MTR: variants seen among roughly 807,000 people sequenced by gnomAD.
MTR encodes 5-methyltetrahydrofolate-homocysteine methyltransferase.
A neutral mutation model predicts 154.8 loss-of-function variants in MTR; 84 were observed. The ratio of observed to expected loss-of-function variants is 0.54; its 90% CI spans 0.45 to 0.65. The LOEUF (loss-of-function observed/expected upper bound fraction) is 0.65. Among genes scored for constraint, MTR ranks in the 30% least tolerant of loss-of-function variants. The pLI, the probability that MTR is intolerant of heterozygous loss-of-function variation, is 0.00. For missense variants in MTR, 1,275 were observed against 1,570.2 expected (o/e 0.81, Z 3.18); for synonymous variants, 554 against 553.9 (o/e 1.00, Z 0.00).
intron 8 of MTR, among the ~76,000 whole-genome samples, chr1:236,821,642 C>G (rs1661956607): frequency 6.6e-6 from 1 of 152,112 alleles, no homozygotes; most frequent in Non-Finnish European, 1.5e-5. Context: ...ATTGCCAAAC[C>G]CACGATCATC....
At chr1:236,889,463 C>G in intron 28 of MTR, 127 bp downstream of exon 28, 3 of 1,242,056 alleles carry the variant, frequency 2.4e-6, no homozygotes, top group South Asian at 2.5e-5. Flanking sequence ...TCATATTGCT[C>G]ACCTGCCCAA....
At chr1:236,818,676 G>C (rs939546977) in intron 8 of MTR, among the ~76,000 whole-genome samples, 28 of 152,288 alleles carry the variant, frequency 1.8e-4, no homozygotes, top group Non-Finnish European at 2.9e-4. Flanking sequence ...TATGTGAAAA[G>C]GATACATTTT....
chr1:236,811,386 A>T (rs1202284849), intron 5 of MTR, among the ~76,000 whole-genome samples: 6 of 152,206 alleles, frequency 3.9e-5, no homozygotes, highest in Non-Finnish European at 7.3e-5. Flanking sequence ...ACATACTTAT[A>T]TTGAGATCTG....
At chr1:236,874,617 T>G (rs1031917917) in intron 23 of MTR, 109 bp from the exon 24 acceptor site, 5 of 882,140 alleles carry the variant, frequency 5.7e-6, no homozygotes, top group South Asian at 1.7e-5. Flanking sequence ...TGTTAGGTCT[T>G]TTGGTCTTCA....
chr1:236,873,755 C>G lies in MTR; in HGVS notation c.2406-18C>G. ...TGGGCTTTCATTAATTTTCTCATGTCTCATTTCTGTGCCTCAGAGTTATTG... is the reference window on the plus strand; with the variant it reads ...TGGGCTTTCATTAATTTTCTCATGTGTCATTTCTGTGCCTCAGAGTTATTG... On this transcript the variant is annotated intron_variant, in intron 22 of 32. Transcript: ENST00000366577. The G allele has an allele frequency of 1.2e-6, 2 of 1,609,844 alleles. No homozygotes were observed. The highest frequency in any genetic ancestry group is 8.5e-7 in the Non-Finnish European group (1 of 1,176,100).
intron 19 of MTR, 104 bp from the exon 20 acceptor site, chr1:236,861,021 T>C (rs956586973): frequency 9.2e-6 from 9 of 980,296 alleles, no homozygotes; most frequent in Non-Finnish European, 1.3e-5. Context: ...GAACCTGTGC[T>C]GTTAGGCATT....
At chr1:236,863,349 G>A in intron 21 of MTR, 105 bp from the exon 22 acceptor site, 1 of 880,312 alleles carries the variant, frequency 1.1e-6, no homozygotes, top group Non-Finnish European at 1.9e-6. Flanking sequence ...GGTGCTCTTG[G>A]TTGTATTGAA....
intron 15 of MTR, among the ~76,000 whole-genome samples, chr1:236,841,691 G>C (rs1393277247): frequency 6.7e-6 from 1 of 149,626 alleles, no homozygotes; most frequent in Admixed American, 6.7e-5. Flanking sequence ...TTCTCTGATA[G>C]CTTCTTGTGA....
chr1:236,816,480 G>A lies in MTR; in HGVS notation c.701G>A (p.Arg234Gln). ...ISGTIVDKSG[R>Q]TLSGQTGEGF... ...GGGACGATCGTTGATAAAAGTGGGC[G>A]GACTCTTTCCGGACAGACAGGAGAG... is the stretch of plus-strand genomic sequence containing the variant. Residue 234 changes from arginine (R) to glutamine (Q), a missense_variant, in exon 8 of 33, where the codon CGG becomes CAG. Coordinates refer to ENST00000366577, the MANE Select transcript of MTR (RefSeq NM_000254.3). The A allele has an allele frequency of 2.5e-6, 4 of 1,614,042 alleles. No individual in the cohort carries two copies. Among genetic ancestry groups the A allele is most frequent in the Non-Finnish European group, 3.4e-6 (4 of 1,179,954 alleles).
chr1:236,876,646 G>T (rs1457066836), intron 24 of MTR, among the ~76,000 whole-genome samples: 1 of 152,026 alleles, frequency 6.6e-6, no homozygotes, highest in African/African-American at 2.4e-5. Flanking sequence ...TTTGCTTCTT[G>T]TGCAAATTGG....
intron 26 of MTR, 75 bp from the exon 27 acceptor site, chr1:236,886,217 C>T (rs987661782): frequency 8.2e-7 from 1 of 1,226,774 alleles, no homozygotes; most frequent in African/African-American, 1.5e-5. Context: ...ACATACTGGC[C>T]TTCTTGGACA....
chr1:236,863,689 C>T, intron 22 of MTR, 135 bp downstream of exon 22: 1 of 812,648 alleles, frequency 1.2e-6, no homozygotes, highest in Admixed American at 2.1e-5. Context: ...TTTCTTTTTG[C>T]TTGCTGTGTT....
At chr1:236,812,636 A>C in intron 5 of MTR, 102 bp from the exon 6 acceptor site, 1 of 893,964 alleles carries the variant, frequency 1.1e-6, no homozygotes. Context: ...TGCATTGTAA[A>C]CCAGCAATAG....
At chr1:236,871,489 A>G (rs1665128441) in intron 22 of MTR, among the ~76,000 whole-genome samples, 2 of 151,266 alleles carry the variant, frequency 1.3e-5, no homozygotes, top group Admixed American at 1.3e-4. Context: ...GATGCGTTTT[A>G]GTTGAATTTT....
At chr1:236,815,899 G>C (rs368174376) in intron 7 of MTR, among the ~76,000 whole-genome samples, 1 of 152,150 alleles carries the variant, frequency 6.6e-6, no homozygotes, top group East Asian at 1.9e-4. Context: ...TTCAAAAGAA[G>C]CCCACTGTAT....
Position 236,852,502 on chromosome 1 carries a change from A to G in MTR, c.1696-19A>G, listed in dbSNP as rs759320552. On this transcript the variant is annotated intron_variant, in intron 16 of 32. Transcript: ENST00000366577. ...TGGCAAAAAAGGGGAATCTTTTCAT[A>G]TTTTAAAATTTTTGCCAGGAAACAT... The G allele has an allele frequency of 1.3e-6, 2 of 1,583,958 alleles. No homozygotes were observed. Among genetic ancestry groups the G allele is most frequent in the East Asian group, 2.2e-5 (1 of 44,720 alleles).
At chr1:236,889,485 T>C (rs1238531909) in intron 28 of MTR, 149 bp downstream of exon 28, 3 of 997,006 alleles carry the variant, frequency 3.0e-6, no homozygotes, top group African/African-American at 1.6e-5. Flanking sequence ...TTTTTAATGG[T>C]TTTCAATCTG....
chr1:236,808,600 A>G, intron 3 of MTR, 104 bp from the exon 4 acceptor site: 3 of 1,117,336 alleles, frequency 2.7e-6, no homozygotes, highest in South Asian at 1.3e-5. Flanking sequence ...AATTCACTCT[A>G]CATTTTGTTA....
At chr1:236,816,259 CTCTT>C (rs1034500627) in intron 7 of MTR, among the ~76,000 whole-genome samples, 186 bp from the exon 8 acceptor site, 5 of 152,166 alleles carry the variant, frequency 3.3e-5, no homozygotes, top group African/African-American at 1.2e-4. Flanking sequence ...GGCTTCCTGC[CTCTT>C]TCCCTAGTCT....
Sources: gnomAD v4.1 joint callset for allele counts (sites outside exome capture counted in the v4.1 genomes callset) on GRCh38, gnomAD v4.1.1 for gene constraint, MANE v1.5 for transcripts, NCBI Gene and HGNC (gene_info 2026-07-23, HGNC 2026-07-21) for gene names.